The following TRAPPC9 variants were observed in gnomAD, a reference collection of about 807,000 sequenced individuals.
The protein encoded by TRAPPC9 is trafficking protein particle complex subunit 9, also known as IKK2 binding protein.
TRAPPC9 carries 83 observed loss-of-function variants against 124.0 expected under a neutral mutation model. The observed-to-expected ratio is 0.67, with a 90% CI of 0.56 to 0.80. The LOEUF is 0.80. TRAPPC9 is among the 30% of genes least tolerant of loss of function. The probability of loss-of-function intolerance (pLI) is 0.00; values close to 1 mark genes in which losing one functional copy is unlikely to be tolerated. For missense variants in TRAPPC9, 1,302 were observed against 1,508.3 expected, an observed-to-expected ratio of 0.86 and a Z score of 2.27; for synonymous variants, 638 against 617.5, an observed-to-expected ratio of 1.03 and a Z score of -0.49.
In TRAPPC9 at chr8:139,888,944, G is replaced by A. The variant is rs76377548; in HGVS notation, c.2965-2975C>T. ...CTGACCTCCAGCAATCATACTTCCA[G>A]GTTTATACCCAAAAGAACTGAAAGC... is the stretch of plus-strand genomic sequence containing the variant. On this transcript the variant is annotated intron_variant, in intron 20 of 22. Coordinates refer to ENST00000438773, the MANE Select transcript of TRAPPC9 (RefSeq NM_001160372.4). Among the ~76,000 whole-genome samples, 976 of 152,142 alleles carry A rather than the reference G, an allele frequency of 6.4e-3. 11 individuals are homozygous for A. The highest frequency in any genetic ancestry group is 0.022 in the African/African-American group (916 of 41,498).
At chr8:139,957,563 G>C (rs183040787) in intron 19 of TRAPPC9, among the ~76,000 whole-genome samples, 2 of 152,150 alleles carry the variant, frequency 1.3e-5, no homozygotes, top group Non-Finnish European at 2.9e-5. Flanking sequence ...GCCTTCTGGC[G>C]CCTGGCACGT....
intron 21 of TRAPPC9, among the ~76,000 whole-genome samples, chr8:139,744,889 A>C (rs1818788009): frequency 6.6e-6 from 1 of 152,222 alleles, no homozygotes; most frequent in African/African-American, 2.4e-5. Context: ...GGCAAAATGA[A>C]GTTGGAGAGG....
intron 17 of TRAPPC9, among the ~76,000 whole-genome samples, chr8:140,066,473 G>GT (rs1301558075): frequency 6.6e-6 from 1 of 152,248 alleles, no homozygotes; most frequent in Non-Finnish European, 1.5e-5. Context: ...TTGAAGTGCA[G>GT]TGAATTGAAC....
chr8:140,181,437 G>GTTTGTTTTGT (rs555307159), intron 17 of TRAPPC9, among the ~76,000 whole-genome samples: 5 of 151,984 alleles, frequency 3.3e-5, no homozygotes, highest in African/African-American at 1.2e-4. Context: ...AGTTTTGTTG[G>GTTTGTTTTGT]TTTGTTTTGT....
intron 21 of TRAPPC9, among the ~76,000 whole-genome samples, chr8:139,838,667 G>GC (rs1826523002): frequency 2.6e-5 from 4 of 152,274 alleles, no homozygotes; most frequent in African/African-American, 7.2e-5. Flanking sequence ...ATGACGGGTG[G>GC]GTGGCAAGGT....
rs1377643591 is a variant in TRAPPC9 at position 140,197,637 on chromosome 8, G to A, written c.2556+23822C>T. ...AATTTCCTCTTTCCTTACCAGATAC[G>A]TATTGACATTTGGGCCACAATCCAA... On this transcript the variant is annotated intron_variant, in intron 17 of 22. Transcript: ENST00000438773. Among the ~76,000 whole-genome samples, 2 of 152,100 alleles carry A rather than the reference G, an allele frequency of 1.3e-5. 1 individual carries two copies. The highest frequency in any genetic ancestry group is 4.1e-4 in the South Asian group (2 of 4,828).
At chr8:139,943,123 G>A (rs908750881) in intron 19 of TRAPPC9, among the ~76,000 whole-genome samples, 13 of 152,236 alleles carry the variant, frequency 8.5e-5, no homozygotes, top group Admixed American at 8.5e-4. Flanking sequence ...CTGGAGTGCA[G>A]TGGTACGATG....
intron 21 of TRAPPC9, among the ~76,000 whole-genome samples, chr8:139,793,304 G>A (rs1026038875): frequency 2.0e-5 from 3 of 152,062 alleles, no homozygotes; most frequent in African/African-American, 4.8e-5. Context: ...TGCCCACCCC[G>A]GCTGTGCCCA....
intron 21 of TRAPPC9, among the ~76,000 whole-genome samples, chr8:139,853,825 G>T (rs577837791): frequency 6.6e-6 from 1 of 152,208 alleles, no homozygotes; most frequent in Non-Finnish European, 1.5e-5. Context: ...GCCAAGGTAG[G>T]GTATCTTTAC....
chr8:140,385,736 G>A (rs888930171), intron 7 of TRAPPC9, among the ~76,000 whole-genome samples: 2 of 152,180 alleles, frequency 1.3e-5, no homozygotes, highest in Non-Finnish European at 2.9e-5. Flanking sequence ...TCTACCAGAG[G>A]TATAAGGAGG....
chr8:140,143,724 G>A (rs373113116), intron 17 of TRAPPC9, among the ~76,000 whole-genome samples: 13 of 152,110 alleles, frequency 8.5e-5, no homozygotes, highest in African/African-American at 2.7e-4. Flanking sequence ...TTTGTTAGTG[G>A]CATTTCAAAT....
At chr8:140,105,841 C>T (rs1260072518) in intron 17 of TRAPPC9, among the ~76,000 whole-genome samples, 1 of 152,146 alleles carries the variant, frequency 6.6e-6, no homozygotes, top group Non-Finnish European at 1.5e-5. Flanking sequence ...ACCAGAGGGT[C>T]TGTCCTCAGT....
At chr8:140,450,472 A>G (rs1285140020) in intron 2 of TRAPPC9, among the ~76,000 whole-genome samples, 1 of 152,098 alleles carries the variant, frequency 6.6e-6, no homozygotes, top group Non-Finnish European at 1.5e-5. Flanking sequence ...TAGTGCCCAA[A>G]AGCCACAACT....
At chr8:140,086,147 T>A (rs1029462616) in intron 17 of TRAPPC9, among the ~76,000 whole-genome samples, 1 of 152,050 alleles carries the variant, frequency 6.6e-6, no homozygotes, top group Non-Finnish European at 1.5e-5. Flanking sequence ...AGGGCTTGGA[T>A]CGTGTGCTGG....
rs535270569 is a variant in TRAPPC9 at position 140,249,850 on chromosome 8, C to A, written c.2431+2927G>T. ...GTCTCAATCTCCTGACCTCGTGATC[C>A]GCCCACCTCGGCCTCCCAAAGTGCT... On this transcript the variant is annotated intron_variant, in intron 16 of 22. Coordinates refer to ENST00000438773, the MANE Select transcript of TRAPPC9 (RefSeq NM_001160372.4). 5.3e-5 allele frequency among the ~76,000 whole-genome samples: 8 copies of A among 152,082 alleles called. No individual in the cohort carries two copies. In the South Asian group the frequency reaches 1.7e-3, roughly 32 times the overall value.
At chr8:140,406,641 A>C (rs2069500785) in intron 5 of TRAPPC9, among the ~76,000 whole-genome samples, 1 of 152,228 alleles carries the variant, frequency 6.6e-6, no homozygotes, top group South Asian at 2.1e-4. Context: ...GGAACAAGAC[A>C]GAAGAATAAA....
intron 17 of TRAPPC9, among the ~76,000 whole-genome samples, chr8:140,070,017 A>C (rs1843075411): frequency 6.6e-6 from 1 of 152,108 alleles, no homozygotes; most frequent in South Asian, 2.1e-4. Context: ...CGGCTAATGG[A>C]TGGTGCCACC....
chr8:140,208,620 G>A (rs979345162), intron 17 of TRAPPC9, among the ~76,000 whole-genome samples: 1 of 152,212 alleles, frequency 6.6e-6, no homozygotes, highest in Non-Finnish European at 1.5e-5. Flanking sequence ...ATTCTTTAGA[G>A]GTCATTTCAT....
intron 3 of TRAPPC9, among the ~76,000 whole-genome samples, chr8:140,435,714 C>T (rs2070788991): frequency 6.6e-6 from 1 of 152,188 alleles, no homozygotes. Context: ...GACCATGCAC[C>T]CCATAGGCAT....
Sources: allele counts gnomAD v4.1 joint callset (sites outside exome capture counted in the v4.1 genomes callset), GRCh38; gene constraint gnomAD v4.1.1; transcripts MANE v1.5; gene names NCBI Gene and HGNC (gene_info 2026-07-23, HGNC 2026-07-21).